The following CLIP3 variants were observed in gnomAD, a reference collection of about 807,000 sequenced individuals.
CLIP3 encodes CAP-Gly domain containing linker protein 3, also known as CAP-Gly domain-containing linker protein 3.
CLIP3 carries 15 observed loss-of-function variants against 59.4 expected under a neutral mutation model. The ratio of observed to expected loss-of-function variants is 0.25; its 90% CI spans 0.17 to 0.39. CLIP3 has a LOEUF of 0.39. CLIP3 is among the 10% of genes least tolerant of loss of function. The probability of loss-of-function intolerance (pLI) is 1.00; values close to 1 mark genes in which losing one functional copy is unlikely to be tolerated. For synonymous variants in CLIP3, 300 were observed against 321.6 expected (o/e 0.93, Z 0.72); for missense variants, 495 against 765.7 (o/e 0.65, Z 4.17).
chr19:36,027,055 C>A lies in CLIP3; in HGVS notation c.307-10G>T. ...AGCCTCGGCGCAGAATCTGTGAGTACCAGGGGAGCAGGGAGGGTCACCCAC... is the reference window on the plus strand; with the variant it reads ...AGCCTCGGCGCAGAATCTGTGAGTAACAGGGGAGCAGGGAGGGTCACCCAC... On this transcript the variant is annotated splice_polypyrimidine_tract_variant and intron_variant, in intron 3 of 13. Transcript: ENST00000360535. The A allele has an allele frequency of 6.2e-7, 1 of 1,601,746 alleles. No homozygotes were observed. Among genetic ancestry groups the A allele is most frequent in the South Asian group, 1.1e-5 (1 of 89,604 alleles).
In CLIP3 at chr19:36,032,217, T is replaced by C; in HGVS notation, c.141A>G (p.Ala47=). 1 of 1,297,480 alleles carries C rather than the reference T, an allele frequency of 7.7e-7. No individual in the cohort carries two copies. Among genetic ancestry groups the C allele is most frequent in the Non-Finnish European group, 9.9e-7 (1 of 1,013,060 alleles). The allele number at this position is 1,297,480 out of a possible 1,614,324, so 80.4% of individuals were successfully genotyped here. A position where few individuals can be genotyped will look rare whatever the true frequency, so the allele number is the denominator to read the frequency against. Reference sequence around the variant, plus strand: ...CGTAGTCCTTAGGGAGGGGGGCAGGTGCCGAGGGGTGCACAACAGGCTTCT... The same window carrying C: ...CGTAGTCCTTAGGGAGGGGGGCAGGCGCCGAGGGGTGCACAACAGGCTTCT... ...RRQKPVVHPS[A]PAPLPKDYAF... The change falls in exon 2 of 14, where the codon GCA becomes GCG. Residue 47 remains alanine (A), a synonymous_variant. Coordinates refer to ENST00000360535, the MANE Select transcript of CLIP3 (RefSeq NM_015526.3). The surrounding 1 kb of genome is among the most constrained non-coding windows in gnomAD (Gnocchi z 4.3).
At chr19:36,025,754 A>G (rs1195707569) in intron 6 of CLIP3, among the ~76,000 whole-genome samples, 1 of 152,172 alleles carries the variant, frequency 6.6e-6, no homozygotes, top group Non-Finnish European at 1.5e-5. Context: ...GGTAATTAGC[A>G]TTGTGGATGG....
At chr19:36,020,639 T>C (rs1356030285) in intron 7 of CLIP3, among the ~76,000 whole-genome samples, 1 of 152,018 alleles carries the variant, frequency 6.6e-6, no homozygotes, top group Non-Finnish European at 1.5e-5. Flanking sequence ...ATCAATACAT[T>C]TAAACTAAAT....
At chr19:36,022,123 G>T (rs1168527071) in intron 7 of CLIP3, among the ~76,000 whole-genome samples, 1 of 151,066 alleles carries the variant, frequency 6.6e-6, no homozygotes. Context: ...CTCGTGATCC[G>T]CCCACCTCTG....
chr19:36,019,075 G>A, intron 8 of CLIP3, 49 bp from the exon 9 acceptor site: 1 of 1,591,476 alleles, frequency 6.3e-7, no homozygotes, highest in East Asian at 2.2e-5. Context: ...TCTGCCCTCG[G>A]CCCCCATCCT....
intron 2 of CLIP3, 111 bp from the exon 3 acceptor site, chr19:36,027,382 A>G: frequency 8.2e-7 from 1 of 1,223,914 alleles, no homozygotes; most frequent in Non-Finnish European, 1.1e-6. Flanking sequence ...CAGGGTCTCA[A>G]GCTGGTGGCA....
chr19:36,026,403 T>A lies in CLIP3; in HGVS notation c.563-138A>T. 5.4e-6 allele frequency: 3 copies of A among 552,098 alleles called. No individual in the cohort carries two copies. Among genetic ancestry groups the A allele is most frequent in the Non-Finnish European group, 7.6e-6 (3 of 392,696 alleles). 34.2% of individuals were successfully genotyped at this position (552,098 alleles called of 1,614,324 possible). On this transcript the variant is annotated intron_variant, in intron 5 of 13. Coordinates refer to ENST00000360535, the MANE Select transcript of CLIP3 (RefSeq NM_015526.3). The surrounding 1 kb of genome is among the most constrained non-coding windows in gnomAD (Gnocchi z 6.3). ...CCCCGCCCCCACCTCGGAGCCCCCC[T>A]CTCCCTTGGCAGCCCCGACCCTCCC... is the stretch of plus-strand genomic sequence containing the variant.
intron 2 of CLIP3, among the ~76,000 whole-genome samples, chr19:36,030,675 A>G (rs1969230291): frequency 1.3e-5 from 2 of 152,192 alleles, no homozygotes; most frequent in South Asian, 4.1e-4. Flanking sequence ...CCCACTTAGA[A>G]TATAACCAAA....
chr19:36,017,628 G>C (rs769565657), intron 11 of CLIP3, 27 bp downstream of exon 11: 18 of 1,613,432 alleles, frequency 1.1e-5, no homozygotes, highest in African/African-American at 1.1e-4. Flanking sequence ...GTGGTGCCCT[G>C]GGTTTGGGCT....
intron 2 of CLIP3, among the ~76,000 whole-genome samples, chr19:36,031,585 C>A (rs1480605032): frequency 6.6e-6 from 1 of 152,126 alleles, no homozygotes; most frequent in Non-Finnish European, 1.5e-5. Context: ...AGATCCTTTA[C>A]CCAGCGGTTA....
intron 6 of CLIP3, among the ~76,000 whole-genome samples, chr19:36,025,460 G>A (rs143324511): frequency 1.3e-3 from 197 of 152,072 alleles, no homozygotes; most frequent in Non-Finnish European, 2.0e-3. Flanking sequence ...GTGTGGTGGC[G>A]CATGCCTATA....
At chr19:36,018,516 A>C (rs1310054394) in intron 9 of CLIP3, among the ~76,000 whole-genome samples, 2 of 141,730 alleles carry the variant, frequency 1.4e-5, no homozygotes, top group East Asian at 4.5e-4. Context: ...CGGGAGGCGG[A>C]GGTTGCGGTG....
chr19:36,019,671 C>T (rs572808602), intron 7 of CLIP3, among the ~76,000 whole-genome samples: 31 of 150,524 alleles, frequency 2.1e-4, no homozygotes, highest in Non-Finnish European at 4.1e-4. Context: ...GGCACGATCT[C>T]GGCTCACTGC....
At chr19:36,028,557 C>T (rs1275588257) in intron 2 of CLIP3, among the ~76,000 whole-genome samples, 1 of 152,122 alleles carries the variant, frequency 6.6e-6, no homozygotes, top group African/African-American at 2.4e-5. Flanking sequence ...CATGAATGAT[C>T]AGATTATACA....
In CLIP3 at chr19:36,019,044, G is replaced by T. The variant is rs369237644; in HGVS notation, c.1055-18C>A. The T allele has an allele frequency of 6.3e-7, 1 of 1,582,356 alleles. No homozygotes were observed. Among genetic ancestry groups the T allele is most frequent in the African/African-American group, 1.3e-5 (1 of 74,510 alleles). ...AAAGAGACCTAGGGGTACAGAATCC[G>T]AGCCTGGTGTTGTCCAAGCCTCTGC... On this transcript the variant is annotated intron_variant, in intron 8 of 13. Coordinates refer to ENST00000360535, the MANE Select transcript of CLIP3 (RefSeq NM_015526.3).
In CLIP3 at chr19:36,019,324, G is replaced by A. The variant is rs752457462; in HGVS notation, c.919-18C>T. 2.5e-6 allele frequency: 4 copies of A among 1,602,228 alleles called. No homozygotes were observed. Among genetic ancestry groups the A allele is most frequent in the Admixed American group, 1.7e-5 (1 of 58,290 alleles). On this transcript the variant is annotated intron_variant, in intron 7 of 13. Transcript: ENST00000360535. ...GTGCCCGTCTGGGGAGAGAAGGGAG[G>A]CGATGGCTAAGGAAGGAATGCTGGG...
chr19:36,023,437 G>C (rs1485609947), intron 7 of CLIP3, among the ~76,000 whole-genome samples: 1 of 152,074 alleles, frequency 6.6e-6, no homozygotes, highest in African/African-American at 2.4e-5. Context: ...TCTCAGTTTG[G>C]ACATCACCTC....
Position 36,028,996 on chromosome 19 carries a change from C to CTTTTTTTTTTTTT in CLIP3, c.167-1738_167-1726dup, listed in dbSNP as rs71167588. 1.5e-4 allele frequency among the ~76,000 whole-genome samples: 10 copies of CTTTTTTTTTTTTT among 65,278 alleles called. 2 individuals are homozygous for CTTTTTTTTTTTTT. The highest frequency in any genetic ancestry group is 5.9e-4 in the African/African-American group (9 of 15,186). 42.8% of individuals were successfully genotyped at this position (65,278 alleles called of 152,430 possible). On this transcript the variant is annotated intron_variant, in intron 2 of 13. Coordinates refer to ENST00000360535, the MANE Select transcript of CLIP3 (RefSeq NM_015526.3). ...CACCCGCCCTTCTCCATCTCCTACT[C>CTTTTTTTTTTTTT]TTTTTTTTTTTTTTTTTTTTTTTTT... is the stretch of plus-strand genomic sequence containing the variant.
chr19:36,018,495 T>G (rs1405367645), intron 9 of CLIP3, among the ~76,000 whole-genome samples: 1 of 151,602 alleles, frequency 6.6e-6, no homozygotes, highest in African/African-American at 2.4e-5. Flanking sequence ...GGCACGAGAA[T>G]TGCTTGAACC....
Sources: gnomAD v4.1 joint callset for allele counts (sites outside exome capture counted in the v4.1 genomes callset) on GRCh38, gnomAD v4.1.1 for gene constraint, Gnocchi (gnomAD v3.1) non-coding constraint, MANE v1.5 for transcripts, NCBI Gene and HGNC (gene_info 2026-07-23, HGNC 2026-07-21) for gene names.